HTR3D: variants seen among roughly 807,000 people sequenced by gnomAD.
The protein encoded by HTR3D is 5-hydroxytryptamine (serotonin) receptor 3 family member D.
In HTR3D, 47 loss-of-function variants were observed where a neutral mutation model predicts 45.8. That is an observed-to-expected ratio of 1.03 (90% CI 0.81 to 1.31). The LOEUF (loss-of-function observed/expected upper bound fraction) is 1.31. Among genes scored for constraint, HTR3D ranks in the 50% most tolerant of loss-of-function variants. HTR3D has a pLI of 0.00. For missense variants in HTR3D, 448 were observed against 506.9 expected, an observed-to-expected ratio of 0.88 and a Z score of 1.12; for synonymous variants, 203 against 199.8, an observed-to-expected ratio of 1.02 and a Z score of -0.13.
intron 1 of HTR3D, 98 bp from the exon 2 acceptor site, chr3:184,035,080 T>C: frequency 6.5e-7 from 1 of 1,534,750 alleles, no homozygotes; most frequent in Middle Eastern, 1.7e-4. Context: ...AAATCATTAT[T>C]GCCACATGGA....
At chr3:184,035,524 T>A (rs1722860303) in intron 2 of HTR3D, among the ~76,000 whole-genome samples, 1 of 151,916 alleles carries the variant, frequency 6.6e-6, no homozygotes, top group Admixed American at 6.6e-5. Context: ...AAAACTGAGG[T>A]AAGCAAGTGT....
chr3:184,037,732 G>A (rs1215420782), intron 5 of HTR3D, among the ~76,000 whole-genome samples: 7 of 152,144 alleles, frequency 4.6e-5, no homozygotes, highest in Non-Finnish European at 7.3e-5. Context: ...CACCTAAGTC[G>A]GTGGTTCCAC....
intron 1 of HTR3D, 45 bp from the exon 2 acceptor site, chr3:184,035,133 C>T: frequency 6.4e-7 from 1 of 1,551,614 alleles, no homozygotes; most frequent in Non-Finnish European, 8.7e-7. Context: ...GGCATGGGAC[C>T]TGCCTTCCTG....
At position 184,038,504 on chromosome 3, in the gene HTR3D, C is replaced by A. The variant is rs1278556730; in HGVS notation, c.865C>A (p.Leu289Ile). The change falls in exon 7 of 8, where the codon CTA becomes ATA. Residue 289 changes from leucine (L) to isoleucine (I), a missense_variant. Leu to Ile is a conservative substitution (Grantham distance 5). Coordinates refer to ENST00000428798, the MANE Select transcript of HTR3D (RefSeq NM_001145143.1). The surrounding 1 kb of genome is among the most constrained non-coding windows in gnomAD (Gnocchi z 4.5). ...GCTGCACGTGGCCACCACCCAGCCC[C>A]TACCTCTGCCTCGGTGGCTCCACTC... ...HLLHVATTQP[L>I]PLPRWLHSLL... 2.5e-6 allele frequency: 4 copies of A among 1,614,076 alleles called. No individual in the cohort carries two copies. In the Admixed American group the frequency reaches 6.7e-5, roughly 27 times the overall value.
In HTR3D at chr3:184,038,122, A is replaced by C. The variant is rs781185991; in HGVS notation, c.618A>C (p.Pro206=). ...IAIDALSFYL[P]LESGNCAPFK... Reference sequence around the variant, plus strand: ...TCGATGCCCTCAGTTTCTACCTGCCACTGGAAAGTGGGAATTGTGCCCCAT... The same window carrying C: ...TCGATGCCCTCAGTTTCTACCTGCCCCTGGAAAGTGGGAATTGTGCCCCAT... Residue 206 remains proline (P), a synonymous_variant, in exon 6 of 8, where the codon CCA becomes CCC. Transcript: ENST00000428798. This position sits in a 1 kb window ranked among gnomAD's most constrained non-coding sequence, Gnocchi z 4.5. 1.5e-5 allele frequency: 24 copies of C among 1,614,122 alleles called. No homozygotes were observed. In the South Asian group the frequency reaches 2.6e-4, roughly 18 times the overall value.
intron 4 of HTR3D, 34 bp from the exon 5 acceptor site, chr3:184,036,714 T>C (rs1722907633): frequency 1.9e-6 from 3 of 1,552,698 alleles, no homozygotes; most frequent in Admixed American, 3.9e-5. Flanking sequence ...GGAGGCTGAG[T>C]CTTCTGGGCC....
In HTR3D at chr3:184,036,370, A is replaced by G. The variant is rs1417101257; in HGVS notation, c.198-5A>G. 6.2e-7 allele frequency: 1 copy of G among 1,614,036 alleles called. No homozygotes were observed. Among genetic ancestry groups the G allele is most frequent in the Middle Eastern group, 1.7e-4 (1 of 5,996 alleles). The stretch of plus-strand genomic sequence containing the variant: ...CCTCCCTGTCCTTCTCCCACACAGC[A>G]TCAGTGTGGATCAGACACCTGCAGG... On this transcript the variant is annotated splice_region_variant and splice_polypyrimidine_tract_variant and intron_variant, in intron 3 of 7. Coordinates refer to ENST00000428798, the MANE Select transcript of HTR3D (RefSeq NM_001145143.1).
rs1722953827 is a variant in HTR3D at position 184,037,914 on chromosome 3, T to C, written c.517-107T>C. 3.6e-6 allele frequency: 5 copies of C among 1,388,702 alleles called. No homozygotes were observed. The Admixed American group carries it at 1.0e-4, about 29-fold the overall frequency. 86.0% of individuals were successfully genotyped at this position (1,388,702 alleles called of 1,614,324 possible). On this transcript the variant is annotated intron_variant, in intron 5 of 7. Transcript: ENST00000428798. ...GCTGAAAGGGACGGGAGGTAATATT[T>C]CCTTACTAGACAGTTTGGCCTGGGA...
intron 2 of HTR3D, among the ~76,000 whole-genome samples, chr3:184,035,587 A>G (rs954827156): frequency 2.6e-5 from 4 of 152,192 alleles, no homozygotes; most frequent in African/African-American, 4.8e-5. Context: ...AAATGGGCGA[A>G]AAAAGGAAAG....
Position 184,038,851 on chromosome 3 carries a change from A to T in HTR3D, c.1091A>T (p.Gln364Leu). The part of the protein sequence containing the change: ...WTRAQREHEA[Q>L]KQHSVELWVQ... Reference sequence around the variant, plus strand: ...AGGGCCCAGCGGGAACACGAGGCCCAGAAGCAGCACTCGGTGGAGCTGTGG... The same window carrying T: ...AGGGCCCAGCGGGAACACGAGGCCCTGAAGCAGCACTCGGTGGAGCTGTGG... Residue 364 changes from glutamine to leucine, a missense_variant, in exon 8 of 8, where the codon CAG becomes CTG. Transcript: ENST00000428798. This position sits in a 1 kb window ranked among gnomAD's most constrained non-coding sequence, Gnocchi z 4.5. 1 of 1,614,194 alleles carries T rather than the reference A, an allele frequency of 6.2e-7. No homozygotes were observed. Among genetic ancestry groups the T allele is most frequent in the Non-Finnish European group, 8.5e-7 (1 of 1,180,026 alleles).
Position 184,036,106 on chromosome 3 carries a change from T to G in HTR3D, c.197+6T>G. 6.5e-7 allele frequency: 1 copy of G among 1,545,432 alleles called. No homozygotes were observed. Among genetic ancestry groups the G allele is most frequent in the Non-Finnish European group, 8.7e-7 (1 of 1,145,214 alleles). ...GATGTCTTCATCGAGGAGTCGTGAGTCTCAGGCCAAAAAAGCAGAATGGAA... is the reference window on the plus strand; with the variant it reads ...GATGTCTTCATCGAGGAGTCGTGAGGCTCAGGCCAAAAAAGCAGAATGGAA... On this transcript the variant is annotated splice_donor_region_variant and intron_variant, in intron 3 of 7. Coordinates refer to ENST00000428798, the MANE Select transcript of HTR3D (RefSeq NM_001145143.1).
chr3:184,034,117 C>A (rs754347055), intron 1 of HTR3D, among the ~76,000 whole-genome samples: 1 of 151,846 alleles, frequency 6.6e-6, no homozygotes, highest in East Asian at 1.9e-4. Context: ...GATAAATACC[C>A]GAAAAAAGTG....
Position 184,038,656 on chromosome 3 carries a change from C to T in HTR3D, c.985+32C>T. 1.3e-6 allele frequency: 2 copies of T among 1,590,372 alleles called. No individual in the cohort carries two copies. Among genetic ancestry groups the T allele is most frequent in the South Asian group, 2.3e-5 (2 of 88,888 alleles). On this transcript the variant is annotated intron_variant, in intron 7 of 7. Coordinates refer to ENST00000428798, the MANE Select transcript of HTR3D (RefSeq NM_001145143.1). The surrounding 1 kb of genome is among the most constrained non-coding windows in gnomAD (Gnocchi z 4.5). ...GAAGTCATACTTCCTCTTCCCCCAC[C>T]TCCACTTCTCTGCTCCTGCCTCCTT...
chr3:184,033,119 A>ATTTCTTT (rs1722795604), intron 1 of HTR3D: 1 of 812,138 alleles, frequency 1.2e-6, no homozygotes, highest in African/African-American at 2.0e-5. Context: ...CTCTGACTGG[A>ATTTCTTT]TTTTTTTTTT....
At chr3:184,031,673 G>T (rs1297908742), upstream of HTR3D, 12 of 1,063,996 alleles carry the variant, frequency 1.1e-5, no homozygotes, top group Non-Finnish European at 1.4e-5. Context: ...AGGGCTCAAG[G>T]TGTGATCTGA....
rs752438165 is a variant in HTR3D, at chr3:184,038,290, G to C, written c.769+17G>C. The C allele has an allele frequency of 4.5e-5, 72 of 1,613,256 alleles. No homozygotes were observed. Among genetic ancestry groups the C allele is most frequent in the Non-Finnish European group, 5.7e-5 (67 of 1,179,358 alleles). On this transcript the variant is annotated intron_variant, in intron 6 of 7. Transcript: ENST00000428798. This position sits in a 1 kb window ranked among gnomAD's most constrained non-coding sequence, Gnocchi z 4.5. ...AAAAGCGAGGTGTGTGTTGGATGGG[G>C]AGAGGGATGGGCAGAACCAGGCGAA...
At chr3:184,033,034 C>A in intron 1 of HTR3D, 1 of 1,551,884 alleles carries the variant, frequency 6.4e-7, no homozygotes, top group Non-Finnish European at 8.7e-7. Flanking sequence ...TCAACATCTC[C>A]TTCACCTTGT....
chr3:184,039,088 C>A lies in HTR3D; in HGVS notation c.*113C>A. 8.7e-7 allele frequency: 1 copy of A among 1,142,966 alleles called. No individual in the cohort carries two copies. 70.8% of individuals were successfully genotyped at this position (1,142,966 alleles called of 1,614,324 possible). A position where few individuals can be genotyped will look rare whatever the true frequency, so the allele number is the denominator to read the frequency against. On this transcript the variant is annotated 3_prime_UTR_variant, in exon 8 of 8. Transcript: ENST00000428798. ...CCTGTCAACCGCCTCATTTTTAACC[C>A]AGTCCTCTGTGTAGTTTCAGACCAG...
rs1446096030 is a variant in HTR3D at position 184,036,286 on chromosome 3, A to T, written c.198-89A>T. 8.4e-6 allele frequency: 13 copies of T among 1,542,046 alleles called. No individual in the cohort carries two copies. The Admixed American group carries it at 2.5e-4, about 30-fold the overall frequency. The stretch of plus-strand genomic sequence containing the variant: ...CATCTGAGTGGGGCTGGAGCTCGAG[A>T]ATGGGATGACCTGACAGAGAAAGAA... On this transcript the variant is annotated intron_variant, in intron 3 of 7. Transcript: ENST00000428798.
Sources: gnomAD v4.1 joint callset for allele counts (sites outside exome capture counted in the v4.1 genomes callset) on GRCh38, gnomAD v4.1.1 for gene constraint, Gnocchi (gnomAD v3.1) non-coding constraint, MANE v1.5 for transcripts, NCBI Gene and HGNC (gene_info 2026-07-23, HGNC 2026-07-21) for gene names.